MPPED1: variants seen among roughly 807,000 people sequenced by gnomAD.
The protein encoded by MPPED1 is metallophosphoesterase domain-containing protein 1.
Under a neutral mutation model 36.2 loss-of-function variants are expected in MPPED1, and 16 were observed. The ratio of observed to expected loss-of-function variants is 0.44; its 90% confidence interval spans 0.30 to 0.67. The LOEUF (loss-of-function observed/expected upper bound fraction) is 0.67. Ranked by LOEUF, MPPED1 falls within the 30% of genes least tolerant of loss-of-function variation. MPPED1 has a pLI of 0.10. For missense variants in MPPED1, 307 were observed against 453.4 expected (o/e 0.68, Z 2.93); for synonymous variants, 199 against 191.3 (o/e 1.04, Z -0.33).
At position 43,425,374 on chromosome 22, in the gene MPPED1, G is replaced by T; in HGVS notation, c.224+165G>T. ...GATCATCGGGGCTCTGAGTTGGGAG[G>T]GACCGGCAAGAAGTTGCAGATGGAT... On this transcript the variant is annotated intron_variant, in intron 2 of 6. Transcript: ENST00000443721. 2.3e-6 allele frequency: 3 copies of T among 1,310,712 alleles called. No homozygotes were observed. In the South Asian group the frequency reaches 4.9e-5, roughly 21 times the overall value. 81.2% of individuals were successfully genotyped at this position (1,310,712 alleles called of 1,614,324 possible).
chr22:43,417,825 G>T (rs2146810942), intron 1 of MPPED1: 1 of 330,036 alleles, frequency 3.0e-6, no homozygotes, highest in Middle Eastern at 1.1e-3. Context: ...CCATCAGAGA[G>T]GCTGGGGCTA....
intron 3 of MPPED1, among the ~76,000 whole-genome samples, chr22:43,439,439 C>G (rs540447011): frequency 4.6e-5 from 7 of 152,366 alleles, no homozygotes; most frequent in African/African-American, 1.7e-4. Context: ...CCTTGCTCCT[C>G]ACCAGCCACA....
intron 5 of MPPED1, among the ~76,000 whole-genome samples, chr22:43,501,576 G>A (rs779024530): frequency 2.6e-4 from 40 of 152,164 alleles, no homozygotes; most frequent in Admixed American, 1.4e-3. Flanking sequence ...CCAGGGTGCC[G>A]AGGTGCTGGA....
At chr22:43,480,942 G>C (rs1482808880) in intron 4 of MPPED1, among the ~76,000 whole-genome samples, 2 of 151,358 alleles carry the variant, frequency 1.3e-5, no homozygotes, top group African/African-American at 4.9e-5. Flanking sequence ...TCCTGCCTCA[G>C]CCTCCTGAGT....
intron 4 of MPPED1, among the ~76,000 whole-genome samples, chr22:43,490,996 CTG>C (rs200302349): frequency 0.45 from 68,107 of 152,018 alleles, 15,468 homozygotes; most frequent in African/African-American, 0.47. Context: ...GCATTTTACT[CTG>C]TGACTCAGTC....
At chr22:43,504,584 T>C (rs573423398) in intron 6 of MPPED1, among the ~76,000 whole-genome samples, 157 of 151,422 alleles carry the variant, frequency 1.0e-3, no homozygotes, top group African/African-American at 3.8e-3. Context: ...GATGATGATG[T>C]TGATGGTGAT....
At chr22:43,475,704 GTGA>G (rs1469930609) in intron 4 of MPPED1, among the ~76,000 whole-genome samples, 1 of 81,068 alleles carries the variant, frequency 1.2e-5, no homozygotes, top group African/African-American at 4.1e-5. Context: ...GATGGTGGTG[GTGA>G]TGATGGTGGT....
intron 3 of MPPED1, among the ~76,000 whole-genome samples, chr22:43,465,983 C>T (rs1601982803): frequency 6.6e-6 from 1 of 152,158 alleles, no homozygotes; most frequent in Non-Finnish European, 1.5e-5. Context: ...CAAAGTCCTG[C>T]TAGCTACAGG....
chr22:43,494,279 ATCC>A (rs1389106274), intron 4 of MPPED1, among the ~76,000 whole-genome samples: 1 of 152,162 alleles, frequency 6.6e-6, no homozygotes, highest in Non-Finnish European at 1.5e-5. Context: ...GGCTCAAACA[ATCC>A]TCCTGTCTCA....
At chr22:43,494,138 A>G (rs1487231257) in intron 4 of MPPED1, among the ~76,000 whole-genome samples, 2 of 152,050 alleles carry the variant, frequency 1.3e-5, no homozygotes, top group South Asian at 2.1e-4. Flanking sequence ...GGCTCAAGCA[A>G]TCCTCTCCCA....
intron 2 of MPPED1, among the ~76,000 whole-genome samples, chr22:43,429,627 T>G (rs1327333767): frequency 1.3e-5 from 2 of 152,260 alleles, no homozygotes; most frequent in African/African-American, 4.8e-5. Context: ...ACCTGATTCA[T>G]TCTGTGCTGA....
At chr22:43,439,186 C>T (rs1438387328) in intron 3 of MPPED1, among the ~76,000 whole-genome samples, 3 of 152,298 alleles carry the variant, frequency 2.0e-5, no homozygotes, top group South Asian at 2.1e-4. Flanking sequence ...GCCCGTTTGC[C>T]GGCTTCTAGC....
At position 43,474,911 on chromosome 22, in the gene MPPED1, T is replaced by G; in HGVS notation, c.582T>G (p.Leu194=). ...CGCTGCTGACCAACTGCATCTACCT[T>G]CAGGACTCGGAGGTCACCGTGCGGG... ...VQSLLTNCIY[L]QDSEVTVRGF... is the part of the protein sequence containing the mutation. The change falls in exon 4 of 7, where the codon CTT becomes CTG. Residue 194 remains leucine (L), a synonymous_variant. Coordinates refer to ENST00000443721, the MANE Select transcript of MPPED1 (RefSeq NM_001044370.2). This position sits in a 1 kb window ranked among gnomAD's most constrained non-coding sequence, Gnocchi z 5.2. 6.2e-7 allele frequency: 1 copy of G among 1,613,980 alleles called. No homozygotes were observed.
At chr22:43,467,321 G>C (rs1209653602) in intron 3 of MPPED1, among the ~76,000 whole-genome samples, 3 of 152,248 alleles carry the variant, frequency 2.0e-5, no homozygotes. Context: ...TCAGTACAGG[G>C]TAGCAGAATT....
In MPPED1 at chr22:43,507,535, C is replaced by A. The variant is rs190041480; in HGVS notation, c.*1919C>A. The A allele has an allele frequency of 6.6e-6, 1 of 152,260 alleles. No homozygotes were observed. The highest frequency in any genetic ancestry group is 1.9e-4 in the East Asian group (1 of 5,182). 9.4% of individuals were successfully genotyped at this position (152,260 alleles called of 1,614,324 possible). A position where few individuals can be genotyped will look rare whatever the true frequency, so the allele number is the denominator to read the frequency against. On this transcript the variant is annotated 3_prime_UTR_variant, in exon 7 of 7. Coordinates refer to ENST00000443721, the MANE Select transcript of MPPED1 (RefSeq NM_001044370.2). ...TATGAGGTCTCTCTGATGCCCCAGGCGCAGGACATGTGTGCGGGTGGAGAA... is the reference window on the plus strand; with the variant it reads ...TATGAGGTCTCTCTGATGCCCCAGGAGCAGGACATGTGTGCGGGTGGAGAA...
chr22:43,441,454 T>C (rs953781547), intron 3 of MPPED1, among the ~76,000 whole-genome samples: 2 of 152,166 alleles, frequency 1.3e-5, no homozygotes, highest in Non-Finnish European at 2.9e-5. Flanking sequence ...GCGGAGACCA[T>C]ACCCTGGTCA....
rs143173847 is a variant in MPPED1, at chr22:43,451,080, C to T, written c.406+15865C>T. 8.3e-3 allele frequency among the ~76,000 whole-genome samples: 1,170 copies of T among 141,292 alleles called. 25 individuals carry two copies. The highest frequency in any genetic ancestry group is 0.028 in the African/African-American group (1,085 of 38,092). The allele number at this position is 141,292 out of a possible 152,430, so 92.7% of individuals were successfully genotyped here. A position where few individuals can be genotyped will look rare whatever the true frequency, so the allele number is the denominator to read the frequency against. On this transcript the variant is annotated intron_variant, in intron 3 of 6. Transcript: ENST00000443721. The stretch of plus-strand genomic sequence containing the variant: ...GGAGTACAGTGGGGCCATCTCGGTT[C>T]GCTGCAACCTCAGCCTCCCAGGTTC...
chr22:43,444,023 T>C (rs1484509893), intron 3 of MPPED1, among the ~76,000 whole-genome samples: 1 of 152,116 alleles, frequency 6.6e-6, no homozygotes, highest in Non-Finnish European at 1.5e-5. Flanking sequence ...TTGATCTTCA[T>C]TTAAAAAATT....
chr22:43,428,477 G>A (rs565264365), intron 2 of MPPED1, among the ~76,000 whole-genome samples: 6 of 152,334 alleles, frequency 3.9e-5, no homozygotes, highest in African/African-American at 1.2e-4. Context: ...GAAGCATGGA[G>A]GCTGCTGGTG....
Sources: allele counts gnomAD v4.1 joint callset (sites outside exome capture counted in the v4.1 genomes callset), GRCh38; gene constraint gnomAD v4.1.1; non-coding constraint Gnocchi (gnomAD v3.1); transcripts MANE v1.5; gene names NCBI Gene and HGNC (gene_info 2026-07-23, HGNC 2026-07-21).